Variants in OTUD7A observed in about 807,000 individuals in gnomAD.
OTUD7A encodes OTU domain-containing protein 7A.
Under a neutral mutation model 65.7 loss-of-function variants are expected in OTUD7A, and 12 were observed. The ratio of observed to expected loss-of-function variants is 0.18; its 90% confidence interval spans 0.12 to 0.30. OTUD7A has a LOEUF of 0.30. Among genes scored for constraint, OTUD7A ranks in the 10% least tolerant of loss-of-function variants. The pLI, the probability that OTUD7A is intolerant of heterozygous loss-of-function variation, is 1.00. For synonymous variants in OTUD7A, 641 were observed against 586.3 expected (o/e 1.09, Z -1.35); for missense variants, 1,148 against 1,304.8 (o/e 0.88, Z 1.85).
intron 3 of OTUD7A, among the ~76,000 whole-genome samples, chr15:31,619,195 A>C (rs1235212543): frequency 6.6e-6 from 1 of 152,154 alleles, no homozygotes; most frequent in Non-Finnish European, 1.5e-5. Context: ...GTATGGTTTG[A>C]AGTCAGGTAG....
At chr15:31,627,240 C>T (rs1890988270) in intron 3 of OTUD7A, among the ~76,000 whole-genome samples, 1 of 119,268 alleles carries the variant, frequency 8.4e-6, no homozygotes, top group East Asian at 3.2e-4. Context: ...TCCCTCCCCC[C>T]TCCCCCCACC....
chr15:31,484,286 C>T lies in OTUD7A; in HGVS notation c.1810G>A (p.Gly604Ser). 1 of 1,594,140 alleles carries T rather than the reference C, an allele frequency of 6.3e-7. No individual in the cohort carries two copies. Among genetic ancestry groups the T allele is most frequent in the East Asian group, 2.3e-5 (1 of 44,404 alleles). Residue 604 changes from glycine to serine, a missense_variant, in exon 13 of 13, where the codon GGC becomes AGC. Physicochemically the swap from Gly to Ser is moderately conservative, Grantham distance 56. Around this residue, in one of 6 missense-constraint regions of OTUD7A, gnomAD observed 842 missense variants for 769.5 expected, o/e 1.09. Transcript: ENST00000307050. The surrounding 1 kb of genome is among the most constrained non-coding windows in gnomAD (Gnocchi z 4.5). ...TTPSPTDKAA[G>S]ASPAEKGGGP... ...CCGCCCTTCTCCGCCGGCGACGCGCCCGCTGCCTTGTCTGTGGGCGACGGC... is the reference window on the plus strand; with the variant it reads ...CCGCCCTTCTCCGCCGGCGACGCGCTCGCTGCCTTGTCTGTGGGCGACGGC...
At chr15:31,777,468 T>G (rs1012284575) in intron 1 of OTUD7A, among the ~76,000 whole-genome samples, 3 of 152,206 alleles carry the variant, frequency 2.0e-5, no homozygotes, top group Non-Finnish European at 4.4e-5. Context: ...GGACCCTGGA[T>G]GAACTGTGGG....
chr15:31,805,833 T>A (rs571194690), intron 1 of OTUD7A, among the ~76,000 whole-genome samples: 1 of 152,294 alleles, frequency 6.6e-6, no homozygotes, highest in Non-Finnish European at 1.5e-5. Context: ...AATATCTACA[T>A]TTAATCAATT....
At chr15:31,561,978 G>C (rs1888707097) in intron 4 of OTUD7A, among the ~76,000 whole-genome samples, 1 of 152,066 alleles carries the variant, frequency 6.6e-6, no homozygotes, top group South Asian at 2.1e-4. Flanking sequence ...ACTGACAAAG[G>C]GGAGATGTAT....
chr15:31,483,505 G>T lies in OTUD7A; in HGVS notation c.2591C>A (p.Ala864Asp). The change falls in exon 13 of 13, where the codon GCC becomes GAC. Residue 864 changes from alanine (A) to aspartate (D), a missense_variant. Transcript: ENST00000307050. ...KSQTYTNGFG[A>D]LRDGLEFADA... ...GGCGAACTCCAGGCCGTCGCGCAGG[G>T]CGCCGAAGCCGTTGGTGTAGGTCTG... 7.2e-7 allele frequency: 1 copy of T among 1,396,608 alleles called. No individual in the cohort carries two copies. Among genetic ancestry groups the T allele is most frequent in the African/African-American group, 1.5e-5 (1 of 65,416 alleles). 86.5% of individuals were successfully genotyped at this position (1,396,608 alleles called of 1,614,324 possible).
chr15:31,639,114 TA>T (rs113978296), intron 3 of OTUD7A, among the ~76,000 whole-genome samples: 172 of 144,610 alleles, frequency 1.2e-3, no homozygotes, highest in Middle Eastern at 3.5e-3. Flanking sequence ...AGCCTCTGTC[TA>T]AAAAAAAAAA....
In OTUD7A at chr15:31,487,659, A is replaced by G; in HGVS notation, c.1172-93T>C. 1.1e-6 allele frequency: 1 copy of G among 926,858 alleles called. No individual in the cohort carries two copies. The highest frequency in any genetic ancestry group is 1.6e-6 in the Non-Finnish European group (1 of 621,598). The allele number at this position is 926,858 out of a possible 1,614,324, so 57.4% of individuals were successfully genotyped here. A position where few individuals can be genotyped will look rare whatever the true frequency, so the allele number is the denominator to read the frequency against. The stretch of plus-strand genomic sequence containing the variant: ...CCCAAGCCAGGTATCTGGGTGACAA[A>G]TGCACCGAGTGGACATCTACACAGA... On this transcript the variant is annotated intron_variant, in intron 10 of 12. Transcript: ENST00000307050. This position sits in a 1 kb window ranked among gnomAD's most constrained non-coding sequence, Gnocchi z 6.0.
chr15:31,587,551 G>T (rs1418518063), intron 3 of OTUD7A, among the ~76,000 whole-genome samples: 1 of 151,408 alleles, frequency 6.6e-6, no homozygotes, highest in Non-Finnish European at 1.5e-5. Flanking sequence ...TGAGGCAGGA[G>T]AATTGCTTGA....
At chr15:31,806,331 T>G (rs1029347011) in intron 1 of OTUD7A, among the ~76,000 whole-genome samples, 3 of 152,370 alleles carry the variant, frequency 2.0e-5, no homozygotes, top group East Asian at 3.9e-4. Flanking sequence ...ACATTTGCAC[T>G]AATGAGAGAT....
intron 1 of OTUD7A, among the ~76,000 whole-genome samples, chr15:31,845,189 C>T (rs931051901): frequency 3.3e-5 from 5 of 152,170 alleles, no homozygotes; most frequent in Admixed American, 3.3e-4. Flanking sequence ...TGCCAGCCAT[C>T]CCTCCTCCCC....
At chr15:31,774,795 A>T (rs905431) in intron 1 of OTUD7A, among the ~76,000 whole-genome samples, 2 of 152,078 alleles carry the variant, frequency 1.3e-5, no homozygotes, top group East Asian at 1.9e-4. Flanking sequence ...TATTTTCACC[A>T]TAACAGCAAA....
chr15:31,806,386 T>TCCCC, intron 1 of OTUD7A, among the ~76,000 whole-genome samples: 1 of 152,232 alleles, frequency 6.6e-6, no homozygotes, highest in Non-Finnish European at 1.5e-5. Context: ...GCAACACATT[T>TCCCC]AAGAAGAGAT....
chr15:31,781,655 C>A (rs1489992340), intron 1 of OTUD7A, among the ~76,000 whole-genome samples: 20 of 152,128 alleles, frequency 1.3e-4, no homozygotes, highest in Admixed American at 1.3e-3. Flanking sequence ...ATCCAGTGCC[C>A]CCTATGGCTG....
chr15:31,612,118 T>C (rs1408331564), intron 3 of OTUD7A, among the ~76,000 whole-genome samples: 1 of 152,150 alleles, frequency 6.6e-6, no homozygotes, highest in Admixed American at 6.5e-5. Context: ...ATTAAAACTC[T>C]TGGCAAAATC....
chr15:31,524,421 T>C (rs554258593), intron 8 of OTUD7A, among the ~76,000 whole-genome samples: 10 of 152,204 alleles, frequency 6.6e-5, no homozygotes, highest in Non-Finnish European at 1.5e-4. Context: ...CTAATCCCAT[T>C]GAGGCTCAGT....
intron 1 of OTUD7A, among the ~76,000 whole-genome samples, chr15:31,815,445 T>C (rs945603614): frequency 6.6e-6 from 1 of 152,224 alleles, no homozygotes; most frequent in Non-Finnish European, 1.5e-5. Flanking sequence ...TGATGTACAA[T>C]CATTCTGACT....
intron 1 of OTUD7A, among the ~76,000 whole-genome samples, chr15:31,786,308 C>T (rs1001673992): frequency 5.9e-5 from 9 of 152,240 alleles, no homozygotes; most frequent in African/African-American, 1.9e-4. Flanking sequence ...ATATTAGCTA[C>T]TATTATTATT....
intron 1 of OTUD7A, among the ~76,000 whole-genome samples, chr15:31,789,698 A>T (rs545550373): frequency 7.2e-6 from 1 of 138,668 alleles, no homozygotes; most frequent in East Asian, 2.2e-4. Flanking sequence ...TGGAAATCCA[A>T]TGCTGCCCTT....
Sources: allele counts gnomAD v4.1 joint callset (sites outside exome capture counted in the v4.1 genomes callset), GRCh38; gene constraint gnomAD v4.1.1; regional missense constraint gnomAD v4.1.1; non-coding constraint Gnocchi (gnomAD v3.1); transcripts MANE v1.5; gene names NCBI Gene and HGNC (gene_info 2026-07-23, HGNC 2026-07-21).